PDXDC1: variants seen among roughly 807,000 people sequenced by gnomAD.
PDXDC1 encodes pyridoxal dependent decarboxylase domain containing 1, also known as pyridoxal-dependent decarboxylase domain-containing protein 1.
Under a neutral mutation model 100.1 loss-of-function variants are expected in PDXDC1, and 42 were observed. That is an observed-to-expected ratio of 0.42 (90% CI 0.33 to 0.54). PDXDC1 has a LOEUF of 0.54. PDXDC1 is among the 20% of genes least tolerant of loss of function. The probability of loss-of-function intolerance (pLI) is 0.10; values close to 1 mark genes in which losing one functional copy is unlikely to be tolerated. For missense variants in PDXDC1, 636 were observed against 979.2 expected (o/e 0.65, Z 4.68); for synonymous variants, 260 against 371.7 (o/e 0.70, Z 3.46).
chr16:15,145,094 C>A, the PDXDC1 span, among the ~76,000 whole-genome samples: 1 of 152,180 alleles, frequency 6.6e-6, no homozygotes, highest in African/African-American at 2.4e-5. Context: ...CCTCCTCCTC[C>A]CCCAACACCA....
intron 16 of PDXDC1, chr16:15,094,635 A>G (rs1376241576): frequency 3.7e-6 from 1 of 267,146 alleles, no homozygotes; most frequent in Admixed American, 5.7e-5. Context: ...TTCACGGAGG[A>G]AAGGGGATTC....
chr16:15,065,255 T>C, intron 16 of PDXDC1: 1 of 1,613,594 alleles, frequency 6.2e-7, no homozygotes. Flanking sequence ...GAAGAAGGTG[T>C]CCAGCGGGTT....
Position 15,134,006 on chromosome 16 carries a change from G to A in PDXDC1, c.1400-4873G>A, listed in dbSNP as rs2457535. On this transcript the variant is annotated intron_variant, in intron 16 of 16. Coordinates refer to the PDXDC1 transcript ENST00000535621. ...GCCGCAGCACCAGTCACATGCCTGC[G>A]CTGCCCGTGGATGTGGTGGTCTCAT... 1.3e-5 allele frequency: 18 copies of A among 1,428,986 alleles called. No individual in the cohort carries two copies. The East Asian group carries it at 2.4e-4, about 19-fold the overall frequency. The allele number at this position is 1,428,986 out of a possible 1,614,324, so 88.5% of individuals were successfully genotyped here. A position where few individuals can be genotyped will look rare whatever the true frequency, so the allele number is the denominator to read the frequency against.
chr16:14,986,855 T>C (rs1969495289), intron 1 of PDXDC1, among the ~76,000 whole-genome samples: 1 of 152,294 alleles, frequency 6.6e-6, no homozygotes, highest in Non-Finnish European at 1.5e-5. Context: ...CGAGTGATTC[T>C]TGTGCCTCAG....
intron 16 of PDXDC1, chr16:15,104,560 T>C (rs1362109498): frequency 1.2e-5 from 19 of 1,597,272 alleles, no homozygotes; most frequent in Admixed American, 8.4e-5. Context: ...GTCTTGAGAT[T>C]ATCATCCGCT....
At chr16:15,040,822 CCTTT>C (rs1182397133), downstream of PDXDC1, among the ~76,000 whole-genome samples, 4 of 152,132 alleles carry the variant, frequency 2.6e-5, no homozygotes, top group Non-Finnish European at 4.4e-5. Flanking sequence ...CATGGCCTGT[CCTTT>C]CTATTTGCTA....
intron 16 of PDXDC1, among the ~76,000 whole-genome samples, chr16:15,052,133 G>C (rs918793159): frequency 2.0e-5 from 3 of 152,070 alleles, no homozygotes; most frequent in Non-Finnish European, 4.4e-5. Flanking sequence ...GTAAATATTT[G>C]GGGTTCTACA....
chr16:15,111,040 A>G (rs1179398688), intron 16 of PDXDC1, among the ~76,000 whole-genome samples: 1 of 148,682 alleles, frequency 6.7e-6, no homozygotes, highest in African/African-American at 2.4e-5. Flanking sequence ...GAGGCAGAGA[A>G]CCGTTTGAAG....
intron 4 of PDXDC1, among the ~76,000 whole-genome samples, chr16:15,002,590 C>A (rs1489026867): frequency 6.6e-6 from 1 of 152,298 alleles, no homozygotes; most frequent in Non-Finnish European, 1.5e-5. Flanking sequence ...TGCACTGTTA[C>A]AAACATTGCT....
At chr16:15,074,053 T>A (rs1023904572) in intron 16 of PDXDC1, among the ~76,000 whole-genome samples, 7 of 152,208 alleles carry the variant, frequency 4.6e-5, no homozygotes, top group African/African-American at 1.7e-4. Flanking sequence ...GGGAAAAAAG[T>A]CAAACTTCAA....
intron 16 of PDXDC1, among the ~76,000 whole-genome samples, chr16:15,101,197 G>C (rs1208366189): frequency 6.6e-6 from 1 of 152,168 alleles, no homozygotes; most frequent in Non-Finnish European, 1.5e-5. Context: ...CTCCGTAAAT[G>C]ACAGTATTTG....
intron 16 of PDXDC1, chr16:15,076,633 C>G: frequency 6.2e-7 from 1 of 1,610,814 alleles, no homozygotes; most frequent in South Asian, 1.1e-5. Context: ...CTTCAATACC[C>G]TGCCGGGATG....
At chr16:15,131,073 C>G (rs753080458) in intron 16 of PDXDC1, 17 of 1,602,814 alleles carry the variant, frequency 1.1e-5, no homozygotes, top group Middle Eastern at 2.3e-4. Flanking sequence ...GTGTGCCTCA[C>G]CCGCTGCACG....
At chr16:15,096,876 C>T (rs2046376640) in intron 16 of PDXDC1, among the ~76,000 whole-genome samples, 1 of 152,104 alleles carries the variant, frequency 6.6e-6, no homozygotes, top group Non-Finnish European at 1.5e-5. Flanking sequence ...ACTTTGTTGC[C>T]CAGGCTGGTC....
chr16:14,989,271 G>C (rs1970134070), intron 1 of PDXDC1: 23 of 1,613,518 alleles, frequency 1.4e-5, no homozygotes, highest in South Asian at 2.2e-5. Flanking sequence ...GGGCACCTGG[G>C]GGATAATGGG....
intron 1 of PDXDC1, chr16:14,989,318 C>T (rs1970149017): frequency 1.2e-6 from 2 of 1,613,198 alleles, no homozygotes; most frequent in East Asian, 4.5e-5. Flanking sequence ...CCGTCTCATC[C>T]AGCTGCGTCT....
At chr16:15,106,616 G>A (rs2046810539) in intron 16 of PDXDC1, among the ~76,000 whole-genome samples, 2 of 149,240 alleles carry the variant, frequency 1.3e-5, no homozygotes, top group Non-Finnish European at 3.0e-5. Flanking sequence ...TTAGGCGGGC[G>A]TGGTGGCAGG....
chr16:15,131,190 G>C (rs777340671), intron 16 of PDXDC1: 7 of 1,588,574 alleles, frequency 4.4e-6, no homozygotes, highest in South Asian at 2.2e-5. Context: ...GGACCACAAC[G>C]GAGTTGGCAG....
intron 16 of PDXDC1, among the ~76,000 whole-genome samples, chr16:15,090,046 T>C (rs1249414039): frequency 1.3e-5 from 2 of 151,606 alleles, no homozygotes; most frequent in Non-Finnish European, 2.9e-5. Flanking sequence ...CCGTTTCTAC[T>C]AAAAATAAAA....
Sources: gnomAD v4.1 joint callset for allele counts (sites outside exome capture counted in the v4.1 genomes callset) on GRCh38, gnomAD v4.1.1 for gene constraint, MANE v1.5 for transcripts, NCBI Gene and HGNC (gene_info 2026-07-23, HGNC 2026-07-21) for gene names.